TCN1: variants seen among roughly 807,000 people sequenced by gnomAD.
TCN1 encodes the protein transcobalamin-1.
TCN1 carries 47 observed loss-of-function variants against 46.3 expected under a neutral mutation model. The ratio of observed to expected loss-of-function variants is 1.01; its 90% CI spans 0.80 to 1.29. The LOEUF (loss-of-function observed/expected upper bound fraction) is 1.29, where lower values mean the gene tolerates loss of function less well. Ranked by LOEUF, TCN1 falls within the 50% of genes most tolerant of loss-of-function variation. The probability of loss-of-function intolerance (pLI) is 0.00; values close to 1 mark genes in which losing one functional copy is unlikely to be tolerated. For missense variants in TCN1, 532 were observed against 511.0 expected (o/e 1.04, Z -0.40); for synonymous variants, 183 against 192.5 (o/e 0.95, Z 0.41).
At chr11:59,862,558 G>T in intron 3 of TCN1, 24 bp downstream of exon 3, 1 of 1,611,912 alleles carries the variant, frequency 6.2e-7, no homozygotes, top group Non-Finnish European at 8.5e-7. Context: ...GGTAGTCTAG[G>T]GTCTCTAAAT....
At chr11:59,863,488 A>C (rs946294291) in intron 2 of TCN1, among the ~76,000 whole-genome samples, 2 of 152,052 alleles carry the variant, frequency 1.3e-5, no homozygotes, top group African/African-American at 4.8e-5. Context: ...CCTTATACTA[A>C]TTAGAAAACT....
chr11:59,855,718 TG>T, intron 6 of TCN1, 150 bp downstream of exon 6: 1 of 837,976 alleles, frequency 1.2e-6, no homozygotes. Context: ...CTGTAAACCC[TG>T]GTAACATGAG....
At chr11:59,856,361 C>T (rs989272950) in intron 5 of TCN1, among the ~76,000 whole-genome samples, 5 of 152,052 alleles carry the variant, frequency 3.3e-5, no homozygotes, top group Non-Finnish European at 7.4e-5. Flanking sequence ...TGGGAAATAC[C>T]TGTCATATAG....
At position 59,855,992 on chromosome 11, in the gene TCN1, CTGT is replaced by C; in HGVS notation, c.811_813del (p.Thr271del). The stretch of plus-strand genomic sequence containing the variant: ...GCTCCTTGAGAAATTTCCGTGAGCA[CTGT>C]ATTCAGAGTTTGTTGGCAATTCCAG... On this transcript the variant is annotated inframe_deletion, in exon 6 of 9. Coordinates refer to ENST00000257264, the MANE Select transcript of TCN1 (RefSeq NM_001062.4). 2.7e-6 allele frequency: 4 copies of C among 1,470,302 alleles called. No individual in the cohort carries two copies. Among genetic ancestry groups the C allele is most frequent in the Non-Finnish European group, 3.6e-6 (4 of 1,096,162 alleles). The allele number at this position is 1,470,302 out of a possible 1,614,324, so 91.1% of individuals were successfully genotyped here.
In TCN1 at chr11:59,863,893, A is replaced by G. The variant is rs756720180; in HGVS notation, c.259+14T>C. On this transcript the variant is annotated intron_variant, in intron 2 of 8. Coordinates refer to ENST00000257264, the MANE Select transcript of TCN1 (RefSeq NM_001062.4). ...GATTTTTTTCTAAATCTTCCAGAAT[A>G]TACAGCAACTTACATCTGCTTTTCA... 5.6e-6 allele frequency: 9 copies of G among 1,613,432 alleles called. No individual in the cohort carries two copies. The Admixed American group carries it at 8.3e-5, about 15-fold the overall frequency.
chr11:59,862,472 GA>G (rs2135109964), intron 3 of TCN1, 109 bp downstream of exon 3: 2 of 1,351,584 alleles, frequency 1.5e-6, no homozygotes, highest in Non-Finnish European at 2.1e-6. Flanking sequence ...AAGACATAGT[GA>G]GATGAACGGG....
Position 59,856,069 on chromosome 11 carries a change from A to AGGGGG in TCN1, c.748-12_748-11insCCCCC. 5 of 359,418 alleles carry AGGGGG rather than the reference A, an allele frequency of 1.4e-5. No individual in the cohort carries two copies. The highest frequency in any genetic ancestry group is 1.9e-5 in the Non-Finnish European group (4 of 206,014). 22.3% of individuals were successfully genotyped at this position (359,418 alleles called of 1,614,324 possible). On this transcript the variant is annotated splice_polypyrimidine_tract_variant and intron_variant, in intron 5 of 8. Coordinates refer to ENST00000257264, the MANE Select transcript of TCN1 (RefSeq NM_001062.4). ...TGATACAAAGAGGGCCTAATGAGGC[A>AGGGGG]GGGTGGGGTGGGGGGGTGATGAGAG...
At chr11:59,866,253 C>G (rs1028904728) in intron 1 of TCN1, 139 bp downstream of exon 1, 27 of 819,282 alleles carry the variant, frequency 3.3e-5, no homozygotes, top group Non-Finnish European at 3.3e-5. Context: ...CTCCTGCCAC[C>G]CTTTTCATCA....
chr11:59,854,000 T>C (rs1866695375), intron 7 of TCN1, among the ~76,000 whole-genome samples: 1 of 151,764 alleles, frequency 6.6e-6, no homozygotes, highest in Non-Finnish European at 1.5e-5. Flanking sequence ...ATTTTAATTT[T>C]AATACTTGAC....
chr11:59,855,977 A>T lies in TCN1; in HGVS notation c.829T>A (p.Ser277Thr). 6.2e-7 allele frequency: 1 copy of T among 1,613,638 alleles called. No individual in the cohort carries two copies. Among genetic ancestry groups the T allele is most frequent in the Non-Finnish European group, 8.5e-7 (1 of 1,179,792 alleles). Residue 277 changes from serine (S) to threonine (T), a missense_variant, in exon 6 of 9, where the codon TCT becomes ACT. Ser to Thr is a moderately conservative substitution (Grantham distance 58). Coordinates refer to ENST00000257264, the MANE Select transcript of TCN1 (RefSeq NM_001062.4). ...TTTGGATTGCTGAATGCTCCTTGAG[A>T]AATTTCCGTGAGCACTGTATTCAGA... ...QTLNTVLTEI[S>T]QGAFSNPNAA...
chr11:59,854,926 C>T (rs1852914644), intron 6 of TCN1, 91 bp from the exon 7 acceptor site: 1 of 1,402,170 alleles, frequency 7.1e-7, no homozygotes, highest in Non-Finnish European at 1.0e-6. Flanking sequence ...TCCAAGGACT[C>T]CTTGCCTTTA....
chr11:59,866,322 A>C, intron 1 of TCN1, 70 bp downstream of exon 1: 10 of 1,476,402 alleles, frequency 6.8e-6, no homozygotes, highest in Non-Finnish European at 9.5e-6. Context: ...GTAACTCTAC[A>C]TAGAGTCTCT....
intron 5 of TCN1, 27 bp from the exon 6 acceptor site, chr11:59,856,085 G>GGGGGGGGGGGGGGGC: frequency 1.5e-5 from 9 of 585,312 alleles, no homozygotes; most frequent in East Asian, 9.8e-5. Context: ...GGGTGGGGGG[G>GGGGGGGGGGGGGGGC]TGATGAGAGA....
At chr11:59,854,497 C>T (rs1228675822) in intron 7 of TCN1, among the ~76,000 whole-genome samples, 155 bp downstream of exon 7, 1 of 152,164 alleles carries the variant, frequency 6.6e-6, no homozygotes, top group East Asian at 1.9e-4. Flanking sequence ...ACCTCACCTC[C>T]TATTTTAAAC....
intron 1 of TCN1, among the ~76,000 whole-genome samples, chr11:59,865,956 GATT>G (rs1030682752): frequency 4.7e-4 from 72 of 152,208 alleles, no homozygotes; most frequent in African/African-American, 1.7e-3. Context: ...ATTTGAAAGA[GATT>G]ATTATTTTTT....
chr11:59,855,950 C>T lies in TCN1; in HGVS notation c.856G>A (p.Ala286Thr), dbSNP rs773265836. 8.1e-6 allele frequency: 13 copies of T among 1,613,626 alleles called. No homozygotes were observed. Among genetic ancestry groups the T allele is most frequent in the East Asian group, 2.2e-5 (1 of 44,858 alleles). The stretch of plus-strand genomic sequence containing the variant: ...AGGGCAGGTAAGACCTGGGCTGCAG[C>T]GTTTGGATTGCTGAATGCTCCTTGA... Reference protein sequence around the residue: ...ISQGAFSNPNAAAQVLPALMG... With the variant: ...ISQGAFSNPNTAAQVLPALMG... The change falls in exon 6 of 9, where the codon GCT becomes ACT. Residue 286 changes from alanine (A) to threonine (T), a missense_variant. Ala to Thr is a moderately conservative substitution (Grantham distance 58, BLOSUM62 0). Coordinates refer to ENST00000257264, the MANE Select transcript of TCN1 (RefSeq NM_001062.4).
chr11:59,863,791 C>T, intron 2 of TCN1, 116 bp downstream of exon 2: 3 of 1,164,730 alleles, frequency 2.6e-6, no homozygotes, highest in Non-Finnish European at 3.8e-6. Flanking sequence ...AGTTTGGTAC[C>T]ATTAGAAGGG....
chr11:59,859,199 CT>C lies in TCN1; in HGVS notation c.624del (p.Ala209GlnfsTer6), dbSNP rs751822355. 2 of 1,613,958 alleles carry C rather than the reference CT, an allele frequency of 1.2e-6. No homozygotes were observed. Among genetic ancestry groups the C allele is most frequent in the South Asian group, 2.2e-5 (2 of 91,078 alleles). ...VKKSLINGQIKADEGSLKNIS... is the reference protein window; with the variant it reads ...VKKSLINGQIXADEGSLKNIS... ...ATGTTCTTTAAACTGCCTTCATCTG[CT>C]TTGATCTGCCCATTTATTAGACTCT... On this transcript the variant is annotated frameshift_variant, in exon 5 of 9. Transcript: ENST00000257264. LOFTEE classifies it high-confidence loss of function.
intron 8 of TCN1, 24 bp downstream of exon 8, chr11:59,853,179 C>T (rs1470683512): frequency 1.2e-6 from 2 of 1,613,608 alleles, no homozygotes; most frequent in Admixed American, 1.7e-5. Flanking sequence ...TAGCATGGGT[C>T]TTTTTGGCAT....
Sources: allele counts gnomAD v4.1 joint callset (sites outside exome capture counted in the v4.1 genomes callset), GRCh38; gene constraint gnomAD v4.1.1; transcripts MANE v1.5; gene names NCBI Gene and HGNC (gene_info 2026-07-23, HGNC 2026-07-21).